The following LUZP2 variants were observed in gnomAD, a reference collection of about 807,000 sequenced individuals.
LUZP2 encodes leucine zipper protein 2.
LUZP2 carries 52 observed loss-of-function variants against 51.6 expected under a neutral mutation model. The observed-to-expected ratio is 1.01, with a 90% CI of 0.81 to 1.27. The LOEUF is 1.27. Among genes scored for constraint, LUZP2 ranks in the 50% most tolerant of loss-of-function variants. The probability of loss-of-function intolerance (pLI) is 0.00; values close to 1 mark genes in which losing one functional copy is unlikely to be tolerated. For synonymous variants in LUZP2, 154 were observed against 137.3 expected (o/e 1.12, Z -0.85); for missense variants, 436 against 395.4 (o/e 1.10, Z -0.87).
chr11:24,591,696 A>G (rs1853267470), intron 1 of LUZP2, among the ~76,000 whole-genome samples: 1 of 152,150 alleles, frequency 6.6e-6, no homozygotes, highest in African/African-American at 2.4e-5. Flanking sequence ...ACCTAGCAGA[A>G]TTACTGTTTT....
intron 7 of LUZP2, among the ~76,000 whole-genome samples, chr11:24,971,130 C>CA (rs765965613): frequency 1.4e-4 from 22 of 152,078 alleles, no homozygotes; most frequent in Non-Finnish European, 2.8e-4. Context: ...GAACAATGGA[C>CA]ACTGTTGTCT....
intron 7 of LUZP2, among the ~76,000 whole-genome samples, chr11:24,919,522 C>T (rs990463768): frequency 7.4e-6 from 1 of 135,068 alleles, no homozygotes; most frequent in African/African-American, 2.7e-5. Context: ...TCTATATATT[C>T]TTTATATATA....
chr11:24,666,829 AC>A (rs1205567918), intron 1 of LUZP2, among the ~76,000 whole-genome samples: 1 of 152,200 alleles, frequency 6.6e-6, no homozygotes, highest in Non-Finnish European at 1.5e-5. Flanking sequence ...TTAGCCCAAA[AC>A]CCAAAACTAA....
intron 7 of LUZP2, among the ~76,000 whole-genome samples, chr11:24,927,765 T>G (rs1854322317): frequency 6.6e-6 from 1 of 152,022 alleles, no homozygotes; most frequent in African/African-American, 2.4e-5. Flanking sequence ...TTTTTCTACT[T>G]TTGTGAAGAA....
chr11:24,564,122 G>A (rs1410782346), intron 1 of LUZP2, among the ~76,000 whole-genome samples: 1 of 151,990 alleles, frequency 6.6e-6, no homozygotes, highest in Non-Finnish European at 1.5e-5. Flanking sequence ...AAAGTGTGTG[G>A]GCTTCATGTT....
intron 5 of LUZP2, among the ~76,000 whole-genome samples, chr11:24,900,039 C>T (rs988376057): frequency 1.4e-4 from 22 of 152,126 alleles, no homozygotes; most frequent in Non-Finnish European, 2.8e-4. Context: ...ATAGCTATGT[C>T]TATTGACTGA....
At chr11:24,774,470 T>G (rs866360004) in intron 5 of LUZP2, among the ~76,000 whole-genome samples, 55 of 131,928 alleles carry the variant, frequency 4.2e-4, no homozygotes, top group Non-Finnish European at 7.7e-4. Flanking sequence ...TTTATATATC[T>G]GTAGAGAGAA....
chr11:24,948,286 T>A (rs1043744943), intron 7 of LUZP2, among the ~76,000 whole-genome samples: 2 of 151,810 alleles, frequency 1.3e-5, no homozygotes, highest in Admixed American at 6.6e-5. Context: ...AATGACAACT[T>A]CTTTATTGCT....
intron 9 of LUZP2, among the ~76,000 whole-genome samples, chr11:24,999,096 A>T (rs1856597274): frequency 6.6e-6 from 1 of 152,108 alleles, no homozygotes; most frequent in Non-Finnish European, 1.5e-5. Context: ...ATTTCATTTA[A>T]TGATGTTCAA....
intron 5 of LUZP2, among the ~76,000 whole-genome samples, chr11:24,852,530 G>T (rs78924596): frequency 3.9e-5 from 6 of 152,148 alleles, no homozygotes; most frequent in African/African-American, 1.4e-4. Context: ...TTCCAATTAT[G>T]TGGTCAGTTT....
At chr11:24,547,746 A>G (rs79436039) in intron 1 of LUZP2, among the ~76,000 whole-genome samples, 470 of 152,298 alleles carry the variant, frequency 3.1e-3, no homozygotes, top group Non-Finnish European at 5.3e-3. Context: ...ACCACTGCAC[A>G]GCAAAAGAAA....
chr11:24,635,353 TA>T (rs1855056800), intron 1 of LUZP2, among the ~76,000 whole-genome samples: 1 of 152,004 alleles, frequency 6.6e-6, no homozygotes, highest in South Asian at 2.1e-4. Context: ...TAATTGGCAT[TA>T]AAAAATTGAT....
chr11:24,728,567 C>T (rs58644538), intron 1 of LUZP2, among the ~76,000 whole-genome samples: 22,327 of 151,810 alleles, frequency 0.15, 2,079 homozygotes, highest in African/African-American at 0.25. Context: ...TCTGATCTTG[C>T]CATTTACTGA....
At chr11:24,891,222 T>A in intron 5 of LUZP2, 1 of 985,000 alleles carries the variant, frequency 1.0e-6, no homozygotes, top group Non-Finnish European at 1.2e-6. Flanking sequence ...TCAACTTTGG[T>A]GATAAGGCAA....
intron 7 of LUZP2, among the ~76,000 whole-genome samples, chr11:24,961,919 A>C (rs1855421710): frequency 6.6e-6 from 1 of 151,734 alleles, no homozygotes. Context: ...TGCTTCCTTC[A>C]GGGGCTGTTT....
In LUZP2 at chr11:24,638,622, A is replaced by T. The variant is rs1354435108; in HGVS notation, c.63-90547A>T. Among the ~76,000 whole-genome samples, 21 of 151,786 alleles carry T rather than the reference A, an allele frequency of 1.4e-4. 2 individuals are homozygous for T. Among genetic ancestry groups the T allele is most frequent in the African/African-American group, 4.8e-4 (20 of 41,272 alleles). The stretch of plus-strand genomic sequence containing the variant: ...GAAGGATTAACTTGGAATTTTTTCT[A>T]AATTATGCATTTTGTTAAGAAATTA... On this transcript the variant is annotated intron_variant, in intron 1 of 11. Coordinates refer to ENST00000336930, the MANE Select transcript of LUZP2 (RefSeq NM_001009909.4).
chr11:24,774,362 C>CTCTCTCTCTCTCTCTA lies in LUZP2; in HGVS notation c.396+11055_396+11056insCTCTCTCTCTCTCTAT, dbSNP rs776739280. Among the ~76,000 whole-genome samples the CTCTCTCTCTCTCTCTA allele has an allele frequency of 5.9e-3, 451 of 76,238 alleles. 4 individuals are homozygous for CTCTCTCTCTCTCTCTA. The highest frequency in any genetic ancestry group is 8.8e-3 in the Non-Finnish European group (366 of 41,766). 50.0% of individuals were successfully genotyped at this position (76,238 alleles called of 152,430 possible). Reference sequence around the variant, plus strand: ...TCTCTCTCTCTCTCTCTCTCTCTCTCTATATATATATATATATATACATAC... The same window carrying CTCTCTCTCTCTCTCTA: ...TCTCTCTCTCTCTCTCTCTCTCTCTCTCTCTCTCTCTCTCTATATATATATATATATATATACATAC... On this transcript the variant is annotated intron_variant, in intron 5 of 11. Coordinates refer to ENST00000336930, the MANE Select transcript of LUZP2 (RefSeq NM_001009909.4).
chr11:24,810,812 C>G (rs1212560640), intron 5 of LUZP2, among the ~76,000 whole-genome samples: 1 of 152,120 alleles, frequency 6.6e-6, no homozygotes, highest in East Asian at 1.9e-4. Flanking sequence ...TGTAGAAAAA[C>G]AGCCTCATTA....
chr11:24,784,831 T>C (rs1185761066), intron 5 of LUZP2, among the ~76,000 whole-genome samples: 1 of 152,118 alleles, frequency 6.6e-6, no homozygotes, highest in East Asian at 1.9e-4. Context: ...ACATATATTG[T>C]ATATGATTAG....
Sources: allele counts gnomAD v4.1 joint callset (sites outside exome capture counted in the v4.1 genomes callset), GRCh38; gene constraint gnomAD v4.1.1; transcripts MANE v1.5; gene names NCBI Gene and HGNC (gene_info 2026-07-23, HGNC 2026-07-21).